Variants in SRRM4 observed in about 807,000 individuals in gnomAD.
SRRM4 encodes the protein serine/arginine repetitive matrix 4.
A neutral mutation model predicts 68.9 loss-of-function variants in SRRM4; 33 were observed. The observed-to-expected ratio is 0.48, with a 90% CI of 0.36 to 0.64. The LOEUF (loss-of-function observed/expected upper bound fraction) is 0.64. SRRM4 is among the 30% of genes least tolerant of loss of function. The probability of loss-of-function intolerance (pLI) is 0.00; values close to 1 mark genes in which losing one functional copy is unlikely to be tolerated. For missense variants in SRRM4, 817 were observed against 827.1 expected, an observed-to-expected ratio of 0.99 and a Z score of 0.15; for synonymous variants, 318 against 318.8, an observed-to-expected ratio of 1.00 and a Z score of 0.03.
chr12:119,129,998 TG>T (rs1565915395), intron 7 of SRRM4, among the ~76,000 whole-genome samples: 2 of 151,186 alleles, frequency 1.3e-5, no homozygotes, highest in African/African-American at 4.9e-5. Context: ...GATGGATGGA[TG>T]GATGGATGGA....
chr12:119,086,305 T>G (rs1473738290), intron 1 of SRRM4, among the ~76,000 whole-genome samples: 1 of 152,144 alleles, frequency 6.6e-6, no homozygotes, highest in Non-Finnish European at 1.5e-5. Flanking sequence ...AGAGAGGCAG[T>G]TTCATTGTGG....
chr12:119,085,697 C>T (rs556957188), intron 1 of SRRM4, among the ~76,000 whole-genome samples: 1 of 152,198 alleles, frequency 6.6e-6, no homozygotes, highest in African/African-American at 2.4e-5. Flanking sequence ...TTGTCTCCTG[C>T]ATGGACATCA....
chr12:119,112,689 A>C (rs941588891), intron 2 of SRRM4, among the ~76,000 whole-genome samples: 1 of 152,218 alleles, frequency 6.6e-6, no homozygotes, highest in African/African-American at 2.4e-5. Flanking sequence ...ATCCTCTGCA[A>C]ACCAATGCAA....
Position 119,157,031 on chromosome 12 carries a change from G to C in SRRM4, c.*233G>C. ...CAGCTCAGGCCTGGGCATATGGAAA[G>C]AACCATCATCTTGTGGCACAAAAAA... is the stretch of plus-strand genomic sequence containing the variant. On this transcript the variant is annotated 3_prime_UTR_variant, in exon 13 of 13. Coordinates refer to ENST00000267260, the MANE Select transcript of SRRM4 (RefSeq NM_194286.4). This position sits in a 1 kb window ranked among gnomAD's most constrained non-coding sequence, Gnocchi z 4.1. The C allele has an allele frequency of 4.0e-6, 2 of 498,988 alleles. No homozygotes were observed. The highest frequency in any genetic ancestry group is 6.9e-6 in the Non-Finnish European group (2 of 290,230). The allele number at this position is 498,988 out of a possible 1,614,324, so 30.9% of individuals were successfully genotyped here. A position where few individuals can be genotyped will look rare whatever the true frequency, so the allele number is the denominator to read the frequency against.
chr12:119,072,777 C>G (rs1953885796), intron 1 of SRRM4, among the ~76,000 whole-genome samples: 1 of 152,128 alleles, frequency 6.6e-6, no homozygotes, highest in Non-Finnish European at 1.5e-5. Flanking sequence ...TGTTTTTGAG[C>G]CTCCCTGAGA....
At chr12:119,141,691 T>G (rs1307567163) in intron 8 of SRRM4, among the ~76,000 whole-genome samples, 1 of 152,318 alleles carries the variant, frequency 6.6e-6, no homozygotes, top group Non-Finnish European at 1.5e-5. Context: ...ACTGAGTGCC[T>G]ACTCTGTGCC....
Position 118,981,656 on chromosome 12 carries a change from G to A in SRRM4, c.-227G>A, listed in dbSNP as rs1006856857. ...CTCAGCCAGCTCAGAGCGCAGCCTG[G>A]AGCCGACCCAGAAGGGCGAAGAAAG... is the stretch of plus-strand genomic sequence containing the variant. On this transcript the variant is annotated 5_prime_UTR_variant, in exon 1 of 13. Transcript: ENST00000267260. The A allele has an allele frequency of 1.9e-6, 1 of 539,416 alleles. No individual in the cohort carries two copies. Among genetic ancestry groups the A allele is most frequent in the African/African-American group, 1.9e-5 (1 of 52,276 alleles). 33.4% of individuals were successfully genotyped at this position (539,416 alleles called of 1,614,324 possible).
chr12:119,106,601 C>T (rs1451561083), intron 2 of SRRM4, among the ~76,000 whole-genome samples: 3 of 151,690 alleles, frequency 2.0e-5, no homozygotes, highest in African/African-American at 7.3e-5. Context: ...CATGATTTGG[C>T]TCTCTGTTTG....
At chr12:119,058,413 T>A (rs1318583259) in intron 1 of SRRM4, among the ~76,000 whole-genome samples, 1 of 152,188 alleles carries the variant, frequency 6.6e-6, no homozygotes, top group Non-Finnish European at 1.5e-5. Context: ...TCCCTGAGAC[T>A]GATGGGAGTT....
intron 1 of SRRM4, among the ~76,000 whole-genome samples, chr12:119,063,542 C>T (rs1421824011): frequency 6.6e-6 from 1 of 152,164 alleles, no homozygotes; most frequent in African/African-American, 2.4e-5. Flanking sequence ...TTTCACACAT[C>T]AATTACGTCC....
intron 1 of SRRM4, among the ~76,000 whole-genome samples, chr12:119,089,800 T>C (rs762597692): frequency 3.9e-5 from 6 of 152,142 alleles, no homozygotes; most frequent in Non-Finnish European, 7.4e-5. Context: ...TCATCATCAG[T>C]AACATTATCA....
At chr12:118,990,374 G>A (rs915142976) in intron 1 of SRRM4, among the ~76,000 whole-genome samples, 8 of 152,170 alleles carry the variant, frequency 5.3e-5, no homozygotes, top group Non-Finnish European at 8.8e-5. Context: ...ACAGACACAC[G>A]TAGATGTGAA....
At chr12:118,990,230 T>G (rs888075096) in intron 1 of SRRM4, among the ~76,000 whole-genome samples, 4 of 152,122 alleles carry the variant, frequency 2.6e-5, no homozygotes, top group African/African-American at 9.7e-5. Context: ...ACCAACATGT[T>G]TATAGGATAA....
intron 8 of SRRM4, among the ~76,000 whole-genome samples, chr12:119,137,308 C>G (rs1349577178): frequency 6.6e-6 from 1 of 152,072 alleles, no homozygotes; most frequent in East Asian, 1.9e-4. Flanking sequence ...TTTTTGTATC[C>G]TATTAGGCCG....
At chr12:119,071,505 T>G (rs1360406308) in intron 1 of SRRM4, among the ~76,000 whole-genome samples, 2 of 152,218 alleles carry the variant, frequency 1.3e-5, no homozygotes, top group Admixed American at 6.5e-5. Flanking sequence ...CTAATTTTTT[T>G]GCAACATTTT....
At chr12:119,007,110 C>T (rs1053478989) in intron 1 of SRRM4, among the ~76,000 whole-genome samples, 36 of 152,204 alleles carry the variant, frequency 2.4e-4, no homozygotes, top group African/African-American at 8.4e-4. Context: ...CCTAACTGAG[C>T]TGTAGACTAG....
chr12:118,993,445 G>T (rs554697742), intron 1 of SRRM4, among the ~76,000 whole-genome samples: 96 of 152,298 alleles, frequency 6.3e-4, no homozygotes, highest in African/African-American at 2.3e-3. Context: ...GGCCTTGGGG[G>T]CATGGAGGGA....
At chr12:119,133,297 G>T (rs1375041660) in intron 8 of SRRM4, 1 of 152,242 alleles carries the variant, frequency 6.6e-6, no homozygotes, top group Non-Finnish European at 1.5e-5. Flanking sequence ...AAGTAATAGT[G>T]GTGATAGCAG....
At position 119,162,624 on chromosome 12, in the gene SRRM4, A is replaced by G. The variant is rs1954522082; in HGVS notation, c.*5826A>G. Reference sequence around the variant, plus strand: ...AGCTTTTTCTCCGGGGTCCTGTGCTATAAGAACTTCTCTCTGCACTGTATT... The same window carrying G: ...AGCTTTTTCTCCGGGGTCCTGTGCTGTAAGAACTTCTCTCTGCACTGTATT... On this transcript the variant is annotated 3_prime_UTR_variant, in exon 13 of 13. Coordinates refer to ENST00000267260, the MANE Select transcript of SRRM4 (RefSeq NM_194286.4). 1 of 152,126 alleles carries G rather than the reference A, an allele frequency of 6.6e-6. No individual in the cohort carries two copies. The highest frequency in any genetic ancestry group is 1.5e-5 in the Non-Finnish European group (1 of 68,030). The allele number at this position is 152,126 out of a possible 1,614,324, so 9.4% of individuals were successfully genotyped here.
Sources: gnomAD v4.1 joint callset for allele counts (sites outside exome capture counted in the v4.1 genomes callset) on GRCh38, gnomAD v4.1.1 for gene constraint, Gnocchi (gnomAD v3.1) non-coding constraint, MANE v1.5 for transcripts, NCBI Gene and HGNC (gene_info 2026-07-23, HGNC 2026-07-21) for gene names.